The following ATP2B2 variants were observed in gnomAD, a reference collection of about 807,000 sequenced individuals.
ATP2B2 encodes the protein ATPase plasma membrane Ca2+ transporting 2, also known as plasma membrane calcium-transporting ATPase 2.
ATP2B2 carries 15 observed loss-of-function variants against 120.0 expected under a neutral mutation model. That is an observed-to-expected ratio of 0.12 (90% confidence interval 0.08 to 0.19). The LOEUF is 0.19. Among genes scored for constraint, ATP2B2 ranks in the 10% least tolerant of loss-of-function variants. The pLI is 1.00. For synonymous variants in ATP2B2, 694 were observed against 700.3 expected, an observed-to-expected ratio of 0.99 and a Z score of 0.14; for missense variants, 1,045 against 1,719.8, an observed-to-expected ratio of 0.61 and a Z score of 6.94.
chr3:10,567,756 G>A (rs2068040174), intron 2 of ATP2B2, among the ~76,000 whole-genome samples: 1 of 152,158 alleles, frequency 6.6e-6, no homozygotes, highest in African/African-American at 2.4e-5. Flanking sequence ...TGAGGAATAG[G>A]ATGTGGTGAT....
At chr3:10,483,453 A>G (rs9864505) in intron 1 of ATP2B2, among the ~76,000 whole-genome samples, 8,414 of 152,262 alleles carry the variant, frequency 0.055, 797 homozygotes, top group African/African-American at 0.19. Context: ...CTGTGCCGAC[A>G]CCACCCCGAG....
chr3:10,484,135 C>T (rs1048466080), intron 1 of ATP2B2, among the ~76,000 whole-genome samples: 2 of 152,166 alleles, frequency 1.3e-5, no homozygotes, highest in Admixed American at 1.3e-4. Flanking sequence ...CGTGATGGTG[C>T]TGGCCCTGGC....
At chr3:10,630,094 T>G (rs1029413461) in intron 1 of ATP2B2, among the ~76,000 whole-genome samples, 2 of 152,224 alleles carry the variant, frequency 1.3e-5, no homozygotes, top group Admixed American at 6.5e-5. Context: ...TCCCCAATCC[T>G]CACAGACAGC....
intron 2 of ATP2B2, among the ~76,000 whole-genome samples, chr3:10,605,864 G>T (rs1225024997): frequency 2.0e-5 from 3 of 152,108 alleles, no homozygotes; most frequent in African/African-American, 7.2e-5. Flanking sequence ...GGCCAGGCTG[G>T]TCTTGAACTC....
At chr3:10,507,716 C>T (rs2066674182), upstream of ATP2B2, among the ~76,000 whole-genome samples, 1 of 152,196 alleles carries the variant, frequency 6.6e-6, no homozygotes, top group Non-Finnish European at 1.5e-5. Context: ...GTCCGGCACA[C>T]TTTACAGTTT....
At chr3:10,394,684 A>G (rs941941625) in intron 5 of ATP2B2, 10 of 394,370 alleles carry the variant, frequency 2.5e-5, no homozygotes, top group Non-Finnish European at 1.1e-5. Flanking sequence ...GGTGGGCAGC[A>G]GGTCCTGGGA....
At chr3:10,497,578 A>T (rs1262906219) in intron 1 of ATP2B2, among the ~76,000 whole-genome samples, 3 of 152,194 alleles carry the variant, frequency 2.0e-5, no homozygotes, top group African/African-American at 7.2e-5. Flanking sequence ...CAACAATCCT[A>T]TGAATTGGAC....
At chr3:10,470,694 C>T (rs1348612853) in intron 1 of ATP2B2, among the ~76,000 whole-genome samples, 1 of 152,188 alleles carries the variant, frequency 6.6e-6, no homozygotes, top group African/African-American at 2.4e-5. Context: ...GGTTGTGCCC[C>T]TCTGCCAGGC....
chr3:10,540,574 A>T (rs1345340507), intron 2 of ATP2B2, among the ~76,000 whole-genome samples: 1 of 152,084 alleles, frequency 6.6e-6, no homozygotes. Flanking sequence ...TTGTAGGGAC[A>T]TGGACGAAGC....
chr3:10,401,874 T>G (rs554221926), intron 4 of ATP2B2, among the ~76,000 whole-genome samples: 10 of 152,204 alleles, frequency 6.6e-5, no homozygotes, highest in Non-Finnish European at 1.5e-4. Context: ...ACATGTGCCA[T>G]GTACTTGTCA....
rs572763127 is a variant in ATP2B2 at position 10,606,535 on chromosome 3, G to T, written c.-415+13382C>A. Among the ~76,000 whole-genome samples the T allele has an allele frequency of 2.0e-5, 3 of 152,278 alleles. No homozygotes were observed. The East Asian group carries it at 5.8e-4, about 29-fold the overall frequency. On this transcript the variant is annotated intron_variant, in intron 2 of 21. Transcript: ENST00000646379. ...GCAAGACTTCCAATCCTCCTGGCTTGTATATTGGGTTGGAGGTCCAGTTCC... is the reference window on the plus strand; with the variant it reads ...GCAAGACTTCCAATCCTCCTGGCTTTTATATTGGGTTGGAGGTCCAGTTCC...
intron 2 of ATP2B2, among the ~76,000 whole-genome samples, chr3:10,419,319 C>A (rs897279797): frequency 6.6e-6 from 1 of 152,246 alleles, no homozygotes; most frequent in Non-Finnish European, 1.5e-5. Context: ...GCATCCCCTG[C>A]AGTCTGGGGT....
chr3:10,637,885 T>C (rs1055693464), intron 1 of ATP2B2, among the ~76,000 whole-genome samples: 1 of 149,072 alleles, frequency 6.7e-6, no homozygotes, highest in Non-Finnish European at 1.5e-5. Context: ...AAGGAGAAAA[T>C]CTTAGAAGCA....
intron 2 of ATP2B2, among the ~76,000 whole-genome samples, chr3:10,559,427 C>T (rs910603500): frequency 1.3e-5 from 2 of 151,852 alleles, no homozygotes; most frequent in Admixed American, 1.3e-4. Context: ...ACGTTTGGGG[C>T]GATGGATATG....
chr3:10,379,209 GGAC>G (rs779970730), intron 9 of ATP2B2, 31 bp downstream of exon 9: 1 of 1,610,126 alleles, frequency 6.2e-7, no homozygotes, highest in African/African-American at 1.3e-5. Flanking sequence ...GGGGCCTCAG[GGAC>G]GACAAACGCC....
intron 2 of ATP2B2, among the ~76,000 whole-genome samples, chr3:10,565,207 C>A (rs746288883): frequency 8.4e-4 from 128 of 152,268 alleles, no homozygotes; most frequent in Non-Finnish European, 1.5e-3. Flanking sequence ...CAGGCTAGAG[C>A]AGCCAATTTA....
chr3:10,610,076 T>TACACACACACAC (rs34843797), intron 2 of ATP2B2, among the ~76,000 whole-genome samples: 7 of 146,608 alleles, frequency 4.8e-5, no homozygotes, highest in Non-Finnish European at 9.0e-5. Flanking sequence ...TATACACACA[T>TACACACACACAC]ACACACACAC....
chr3:10,641,550 C>T lies in ATP2B2; in HGVS notation c.-459-21589G>A, dbSNP rs149765914. On this transcript the variant is annotated intron_variant, in intron 1 of 21. Coordinates refer to the ATP2B2 transcript ENST00000646379. ...TTCTAGTTGTTACTGTTGTTTTCATCTGCTTTTGGTCAAAGAGAAAACATC... is the reference window on the plus strand; with the variant it reads ...TTCTAGTTGTTACTGTTGTTTTCATTTGCTTTTGGTCAAAGAGAAAACATC... 1.1e-4 allele frequency among the ~76,000 whole-genome samples: 16 copies of T among 152,296 alleles called. 1 individual carries two copies. The highest frequency in any genetic ancestry group is 3.6e-4 in the African/African-American group (15 of 41,568).
At chr3:10,356,804 G>T (rs780503834) in intron 14 of ATP2B2, among the ~76,000 whole-genome samples, 1 of 152,204 alleles carries the variant, frequency 6.6e-6, no homozygotes, top group Non-Finnish European at 1.5e-5. Flanking sequence ...CCACAGGGAG[G>T]CTGATAAACG....
Sources: gnomAD v4.1 joint callset for allele counts (sites outside exome capture counted in the v4.1 genomes callset) on GRCh38, gnomAD v4.1.1 for gene constraint, MANE v1.5 for transcripts, NCBI Gene and HGNC (gene_info 2026-07-23, HGNC 2026-07-21) for gene names.